INTS1: variants seen among roughly 807,000 people sequenced by gnomAD.
INTS1 encodes the protein integrator complex subunit 1.
INTS1 carries 137 observed loss-of-function variants against 241.6 expected under a neutral mutation model. The observed-to-expected ratio is 0.57, with a 90% CI of 0.49 to 0.65. INTS1 has a LOEUF of 0.65. Ranked by LOEUF, INTS1 falls within the 30% of genes least tolerant of loss-of-function variation. The pLI is 0.00. For missense variants in INTS1, 3,073 were observed against 3,032.2 expected, an observed-to-expected ratio of 1.01 and a Z score of -0.32; for synonymous variants, 1,692 against 1,337.8, an observed-to-expected ratio of 1.26 and a Z score of -5.78.
rs1275478270 is a variant in INTS1, at chr7:1,504,358, A to G, written c.-77T>C. Reference sequence around the variant, plus strand: ...TCGCGACCGGAGCGCCGCCGCCGCCACCCGGCCACCCCGGAATCGGAAACC... The same window carrying G: ...TCGCGACCGGAGCGCCGCCGCCGCCGCCCGGCCACCCCGGAATCGGAAACC... On this transcript the variant is annotated 5_prime_UTR_variant, in exon 1 of 48. Coordinates refer to ENST00000404767, the MANE Select transcript of INTS1 (RefSeq NM_001080453.3). 2 of 493,840 alleles carry G rather than the reference A, an allele frequency of 4.0e-6. No individual in the cohort carries two copies. The highest frequency in any genetic ancestry group is 2.2e-5 in the Admixed American group (1 of 44,972). The allele number at this position is 493,840 out of a possible 1,614,324, so 30.6% of individuals were successfully genotyped here.
rs892530 is a variant in INTS1, at chr7:1,495,415, A to G, written c.1832+18T>C. The G allele has an allele frequency of 0.45, 718,116 of 1,602,246 alleles. 168,325 individuals carry two copies. Among genetic ancestry groups the G allele is most frequent in the African/African-American group, 0.76 (56,755 of 74,818 alleles). Reference sequence around the variant, plus strand: ...CAGTGGGGTGTGGGACAGGGGCTGTACAGGGCCCCAGCCGCACCAGTGCAC... The same window carrying G: ...CAGTGGGGTGTGGGACAGGGGCTGTGCAGGGCCCCAGCCGCACCAGTGCAC... On this transcript the variant is annotated intron_variant, in intron 13 of 47. Transcript: ENST00000404767.
At position 1,497,318 on chromosome 7, in the gene INTS1, G is replaced by A; in HGVS notation, c.1426-4C>T. 1.2e-6 allele frequency: 2 copies of A among 1,610,732 alleles called. No homozygotes were observed. The highest frequency in any genetic ancestry group is 1.3e-5 in the African/African-American group (1 of 74,978). ...CCTGGAACACCATGGCCAGGAACTG[G>A]GGCAGAGAGAGGCCGCGTGGGAGGC... On this transcript the variant is annotated splice_region_variant and splice_polypyrimidine_tract_variant and intron_variant, in intron 10 of 47. Coordinates refer to ENST00000404767, the MANE Select transcript of INTS1 (RefSeq NM_001080453.3). The surrounding 1 kb of genome is among the most constrained non-coding windows in gnomAD (Gnocchi z 5.3).
chr7:1,475,314 G>T (rs867673719), intron 39 of INTS1, among the ~76,000 whole-genome samples: 15 of 152,130 alleles, frequency 9.9e-5, no homozygotes, highest in African/African-American at 3.1e-4. Flanking sequence ...GAGCACAGGG[G>T]GTTGAGGCTG....
At position 1,480,858 on chromosome 7, in the gene INTS1, G is replaced by A. The variant is rs748521945; in HGVS notation, c.3926C>T (p.Thr1309Ile). 2 of 1,554,194 alleles carry A rather than the reference G, an allele frequency of 1.3e-6. No individual in the cohort carries two copies. The highest frequency in any genetic ancestry group is 1.2e-5 in the South Asian group (1 of 84,342). Residue 1309 changes from threonine (T) to isoleucine (I), a missense_variant, in exon 29 of 48, where the codon ACA becomes ATA. Thr to Ile is a moderately conservative substitution (Grantham distance 89, BLOSUM62 -1). Coordinates refer to ENST00000404767, the MANE Select transcript of INTS1 (RefSeq NM_001080453.3). The part of the protein sequence containing the change: ...SGGQTFHSLL[T>I]ASLPPRRDST... ...ACCTCGGCGGGGCGGCAGGGAGGCT[G>A]TGAGCAAGGAGTGGAAAGTCTGGCC...
In INTS1 at chr7:1,488,229, G is replaced by C. The variant is rs565429417; in HGVS notation, c.2319-272C>G. On this transcript the variant is annotated intron_variant, in intron 18 of 47. Coordinates refer to ENST00000404767, the MANE Select transcript of INTS1 (RefSeq NM_001080453.3). ...ACCAGAGCCAAGGCCAGCGGTGTCA[G>C]AACCTGGCCTCCTCCCAGGCCACCT... Among the ~76,000 whole-genome samples, 13 of 152,318 alleles carry C rather than the reference G, an allele frequency of 8.5e-5. No homozygotes were observed. The South Asian group carries it at 1.9e-3, about 22-fold the overall frequency.
At position 1,503,883 on chromosome 7, in the gene INTS1, G is replaced by A. The variant is rs1369547740; in HGVS notation, c.58+20C>T. ...GACCCCCAAAGACCCCCGGGCTGCA[G>A]AGCGAGGAGGGAGACGCACCTGAGG... is the stretch of plus-strand genomic sequence containing the variant. On this transcript the variant is annotated intron_variant, in intron 2 of 47. Coordinates refer to ENST00000404767, the MANE Select transcript of INTS1 (RefSeq NM_001080453.3). 3 of 1,302,924 alleles carry A rather than the reference G, an allele frequency of 2.3e-6. No individual in the cohort carries two copies. Among genetic ancestry groups the A allele is most frequent in the East Asian group, 3.9e-5 (1 of 25,576 alleles). 80.7% of individuals were successfully genotyped at this position (1,302,924 alleles called of 1,614,324 possible). A position where few individuals can be genotyped will look rare whatever the true frequency, so the allele number is the denominator to read the frequency against.
chr7:1,502,547 G>A (rs1018137992), intron 3 of INTS1, among the ~76,000 whole-genome samples: 3 of 152,172 alleles, frequency 2.0e-5, no homozygotes, highest in African/African-American at 7.2e-5. Context: ...GAACGCACCA[G>A]GATGGGCAAC....
In INTS1 at chr7:1,473,189, G is replaced by C; in HGVS notation, c.5958-5C>G. 6.3e-7 allele frequency: 1 copy of C among 1,599,396 alleles called. No homozygotes were observed. Among genetic ancestry groups the C allele is most frequent in the Non-Finnish European group, 8.6e-7 (1 of 1,169,246 alleles). ...CTGTTGTCGAAGGACAGGTCGCTGG[G>C]GAGAGAAGATGCTTTCACCTGGGAG... On this transcript the variant is annotated splice_polypyrimidine_tract_variant and splice_region_variant and intron_variant, in intron 42 of 47. Coordinates refer to ENST00000404767, the MANE Select transcript of INTS1 (RefSeq NM_001080453.3).
intron 40 of INTS1, 56 bp from the exon 41 acceptor site, chr7:1,474,416 G>A (rs1275241513): frequency 3.5e-5 from 53 of 1,498,876 alleles, no homozygotes; most frequent in East Asian, 1.2e-4. Flanking sequence ...CCTGGCGCAC[G>A]TCCCCAGGAA....
At chr7:1,487,618 G>A (rs555100396) in intron 19 of INTS1, 142 bp downstream of exon 19, 19 of 1,279,490 alleles carry the variant, frequency 1.5e-5, no homozygotes, top group South Asian at 6.7e-5. Context: ...AGCCAGGGAC[G>A]CGGGGACGGG....
rs368832926 is a variant in INTS1, at chr7:1,470,545, C to T, written c.*32G>A. On this transcript the variant is annotated 3_prime_UTR_variant, in exon 48 of 48. Coordinates refer to ENST00000404767, the MANE Select transcript of INTS1 (RefSeq NM_001080453.3). ...GAGGATCCCCGGGGACGGGACGGGC[C>T]GGGGCTTGGAGGGGGGTCGGCTGCC... is the stretch of plus-strand genomic sequence containing the variant. The T allele has an allele frequency of 1.5e-4, 226 of 1,485,002 alleles. No individual in the cohort carries two copies. In the African/African-American group the frequency reaches 2.4e-3, roughly 16 times the overall value. The allele number at this position is 1,485,002 out of a possible 1,614,324, so 92.0% of individuals were successfully genotyped here.
rs752690044 is a variant in INTS1, at chr7:1,474,267, G to C, written c.5730C>G (p.His1910Gln). Residue 1910 changes from histidine to glutamine, a missense_variant, in exon 41 of 48, where the codon CAC (histidine) becomes CAG (glutamine). Transcript: ENST00000404767. ...RQQNHLSCFL[H>Q]VLGLLELLQP... ...GCAGCAGCTCCAGCAGGCCCAGCAC[G>C]TGCAGGAAGCAGCTCAGGTGGTTCT... 5 of 1,608,216 alleles carry C rather than the reference G, an allele frequency of 3.1e-6. No homozygotes were observed. In the Admixed American group the frequency reaches 6.7e-5, roughly 21 times the overall value.
chr7:1,501,775 C>T (rs578234997), intron 3 of INTS1, among the ~76,000 whole-genome samples: 3 of 152,152 alleles, frequency 2.0e-5, no homozygotes, highest in Non-Finnish European at 4.4e-5. Flanking sequence ...CATCCTGGGC[C>T]GTTTGCCCCC....
chr7:1,491,970 T>C (rs1466789173), intron 16 of INTS1, among the ~76,000 whole-genome samples: 2 of 152,210 alleles, frequency 1.3e-5, no homozygotes, highest in Non-Finnish European at 2.9e-5. Flanking sequence ...AGGATGTCTC[T>C]GCTGAGAAAC....
intron 24 of INTS1, 124 bp from the exon 25 acceptor site, chr7:1,484,294 C>CG (rs1426529178): frequency 9.8e-7 from 1 of 1,020,550 alleles, no homozygotes; most frequent in Admixed American, 2.6e-5. Context: ...CACCGCAGAC[C>CG]CTCACTCAGC....
At chr7:1,477,063 G>A in intron 35 of INTS1, 145 bp from the exon 36 acceptor site, 3 of 1,033,162 alleles carry the variant, frequency 2.9e-6, no homozygotes, top group Non-Finnish European at 2.8e-6. Context: ...CATGGTGCTG[G>A]AGGGCCGCTC....
intron 3 of INTS1, 44 bp downstream of exon 3, chr7:1,502,857 A>T (rs1481991204): frequency 2.5e-6 from 4 of 1,605,444 alleles, no homozygotes; most frequent in Non-Finnish European, 3.4e-6. Flanking sequence ...GATGGACGGC[A>T]TGAGCTGAGG....
chr7:1,499,680 C>T, intron 5 of INTS1, 48 bp from the exon 6 acceptor site: 8 of 1,556,680 alleles, frequency 5.1e-6, no homozygotes, highest in Non-Finnish European at 7.0e-6. Flanking sequence ...GGGCAGCAGC[C>T]AGGTTGGGGA....
At chr7:1,503,241 G>A (rs772340703) in intron 2 of INTS1, 50 bp from the exon 3 acceptor site, 12 of 1,495,256 alleles carry the variant, frequency 8.0e-6, no homozygotes, top group Admixed American at 4.5e-5. Flanking sequence ...CACCCAAGAT[G>A]GAAAAAGACT....
Sources: gnomAD v4.1 joint callset for allele counts (sites outside exome capture counted in the v4.1 genomes callset) on GRCh38, gnomAD v4.1.1 for gene constraint, Gnocchi (gnomAD v3.1) non-coding constraint, MANE v1.5 for transcripts, NCBI Gene and HGNC (gene_info 2026-07-23, HGNC 2026-07-21) for gene names.